PIN1: variants seen among roughly 807,000 people sequenced by gnomAD.
PIN1 encodes peptidylprolyl cis/trans isomerase, NIMA-interacting 1.
Under a neutral mutation model 19.9 loss-of-function variants are expected in PIN1, and 8 were observed. The ratio of observed to expected loss-of-function variants is 0.40; its 90% CI spans 0.24 to 0.72. The LOEUF is 0.72. Ranked by LOEUF, PIN1 falls within the 30% of genes least tolerant of loss-of-function variation. The pLI is 0.37. For missense variants in PIN1, 185 were observed against 226.5 expected, an observed-to-expected ratio of 0.82 and a Z score of 1.18; for synonymous variants, 86 against 90.8, an observed-to-expected ratio of 0.95 and a Z score of 0.30.
At chr19:9,848,434 A>G in intron 3 of PIN1, 1 of 423,022 alleles carries the variant, frequency 2.4e-6, no homozygotes, top group South Asian at 2.4e-5. Flanking sequence ...AGGTGGGTAC[A>G]TCCTGTCCTC....
intron 1 of PIN1, 77 bp downstream of exon 1, chr19:9,835,479 G>A (rs569962742): frequency 5.1e-4 from 531 of 1,044,430 alleles, no homozygotes; most frequent in Non-Finnish European, 6.6e-4. Flanking sequence ...CTTGGGCGCG[G>A]CGGCAGCGCT....
At chr19:9,836,573 G>A (rs1045386681) in intron 1 of PIN1, 3 of 307,396 alleles carry the variant, frequency 9.8e-6, no homozygotes, top group Non-Finnish European at 2.0e-5. Context: ...TTCCTTTATG[G>A]GTGACACTCC....
At position 9,835,607 on chromosome 19, in the gene PIN1, G is replaced by A. The variant is rs914776008; in HGVS notation, c.58+205G>A. ...CGCCGGGAAGCCTGAGGAAGCTGAG[G>A]CAGGGGGCTGGGCGGGTGAGGGTCC... is the stretch of plus-strand genomic sequence containing the variant. On this transcript the variant is annotated intron_variant, in intron 1 of 3. Coordinates refer to ENST00000247970, the MANE Select transcript of PIN1 (RefSeq NM_006221.4). The A allele has an allele frequency of 7.9e-6, 4 of 506,660 alleles. No individual in the cohort carries two copies. In the Admixed American group the frequency reaches 1.3e-4, roughly 17 times the overall value. 31.4% of individuals were successfully genotyped at this position (506,660 alleles called of 1,614,324 possible). A position where few individuals can be genotyped will look rare whatever the true frequency, so the allele number is the denominator to read the frequency against.
chr19:9,841,349 A>G (rs1195937093), intron 2 of PIN1, among the ~76,000 whole-genome samples: 2 of 152,164 alleles, frequency 1.3e-5, no homozygotes, highest in Non-Finnish European at 2.9e-5. Flanking sequence ...TGCCACACAA[A>G]GCCTGGCCCA....
intron 1 of PIN1, chr19:9,836,892 G>A (rs2046112447): frequency 7.9e-7 from 1 of 1,272,874 alleles, no homozygotes; most frequent in Admixed American, 2.3e-5. Context: ...TCTCCGTTTT[G>A]CCATCTATAC....
At position 9,849,181 on chromosome 19, in the gene PIN1, C is replaced by A. The variant is rs1162069476; in HGVS notation, c.474C>A (p.Ile158=). 3.1e-6 allele frequency: 5 copies of A among 1,611,428 alleles called. No individual in the cohort carries two copies. Among genetic ancestry groups the A allele is most frequent in the Non-Finnish European group, 4.2e-6 (5 of 1,178,462 alleles). The change falls in exon 4 of 4, where the codon ATC becomes ATA. Residue 158 remains isoleucine, a synonymous_variant. Coordinates refer to ENST00000247970, the MANE Select transcript of PIN1 (RefSeq NM_006221.4). ...TGTTCACGGATTCCGGCATCCACAT[C>A]ATCCTCCGCACTGAGTGAGGGTGGG... The part of the protein sequence containing the change: ...GPVFTDSGIH[I]ILRTE
Position 9,845,589 on chromosome 19 carries a change from A to C in PIN1, c.272-2441A>C, listed in dbSNP as rs115508242. 2.0e-3 allele frequency among the ~76,000 whole-genome samples: 302 copies of C among 152,296 alleles called. 2 individuals are homozygous for C. The highest frequency in any genetic ancestry group is 6.9e-3 in the African/African-American group (287 of 41,550). On this transcript the variant is annotated intron_variant, in intron 2 of 3. Transcript: ENST00000247970. ...CCAGGGGTTTGAGGCCAGCCTGAAC[A>C]ATAAAGTGCGACCCCATCTCTGCAA...
In PIN1 at chr19:9,848,158, C is replaced by T; in HGVS notation, c.382+18C>T. The T allele has an allele frequency of 6.8e-7, 1 of 1,477,730 alleles. No homozygotes were observed. Among genetic ancestry groups the T allele is most frequent in the Non-Finnish European group, 9.5e-7 (1 of 1,055,770 alleles). The allele number at this position is 1,477,730 out of a possible 1,614,324, so 91.5% of individuals were successfully genotyped here. On this transcript the variant is annotated intron_variant, in intron 3 of 3. Coordinates refer to ENST00000247970, the MANE Select transcript of PIN1 (RefSeq NM_006221.4). ...CAGCAGAGGTGCGCAAGGAATGGGC[C>T]TCACCAGGTTGGGGGACCCTTACCA...
chr19:9,841,376 C>T (rs35237210), intron 2 of PIN1, among the ~76,000 whole-genome samples: 1 of 152,146 alleles, frequency 6.6e-6, no homozygotes, highest in Non-Finnish European at 1.5e-5. Context: ...GCCCTCACAG[C>T]CTTGTTTCAT....
chr19:9,847,941 C>G (rs1048612149), intron 2 of PIN1, 89 bp from the exon 3 acceptor site: 12 of 820,998 alleles, frequency 1.5e-5, no homozygotes, highest in Non-Finnish European at 2.1e-5. Flanking sequence ...CTGCCTCCCC[C>G]GCTGGCCAGC....
intron 2 of PIN1, among the ~76,000 whole-genome samples, chr19:9,840,052 CT>C (rs1177867084): frequency 6.6e-6 from 1 of 152,140 alleles, no homozygotes; most frequent in African/African-American, 2.4e-5. Flanking sequence ...ACTGGTCATA[CT>C]TTAGCTGGTG....
intron 2 of PIN1, among the ~76,000 whole-genome samples, chr19:9,843,400 T>G (rs1027721580): frequency 6.6e-6 from 1 of 152,258 alleles, no homozygotes; most frequent in African/African-American, 2.4e-5. Flanking sequence ...GGGGGAAGTA[T>G]GCTGGAAGCA....
intron 2 of PIN1, among the ~76,000 whole-genome samples, chr19:9,843,369 C>T (rs2046187614): frequency 6.6e-6 from 1 of 152,280 alleles, no homozygotes; most frequent in Non-Finnish European, 1.5e-5. Flanking sequence ...GGCCCCTTCC[C>T]CTCTGGTGCC....
In PIN1 at chr19:9,848,085, G is replaced by C. The variant is rs757649316; in HGVS notation, c.327G>C (p.Gln109His). The change falls in exon 3 of 4, where the codon CAG becomes CAC. Residue 109 changes from glutamine (Q) to histidine (H), a missense_variant. By Grantham distance (24) the Gln-to-His change is conservative. Coordinates refer to ENST00000247970, the MANE Select transcript of PIN1 (RefSeq NM_006221.4). ...GEEDFESLAS[Q>H]FSDCSSAKAR... ...AGGACTTTGAGTCTCTGGCCTCACA[G>C]TTCAGCGACTGCAGCTCAGCCAAGG... 27 of 1,613,786 alleles carry C rather than the reference G, an allele frequency of 1.7e-5. No individual in the cohort carries two copies. Among genetic ancestry groups the C allele is most frequent in the Non-Finnish European group, 2.2e-5 (26 of 1,179,766 alleles).
In PIN1 at chr19:9,838,544, G is replaced by A. The variant is rs139228076; in HGVS notation, c.167G>A (p.Arg56His). 8.2e-6 allele frequency: 13 copies of A among 1,588,572 alleles called. No individual in the cohort carries two copies. The African/African-American group carries it at 1.1e-4, about 13-fold the overall frequency. Reference sequence around the variant, plus strand: ...GGGCAGGGGGAGCCTGCCAGGGTCCGCTGCTCGCACCTGCTGGTGAAGCAC... The same window carrying A: ...GGGCAGGGGGAGCCTGCCAGGGTCCACTGCTCGCACCTGCTGGTGAAGCAC... Reference protein sequence around the residue: ...KNGQGEPARVRCSHLLVKHSQ... With the variant: ...KNGQGEPARVHCSHLLVKHSQ... The change falls in exon 2 of 4, where the codon CGC becomes CAC. Residue 56 changes from arginine to histidine, a missense_variant. Arg to His is a conservative substitution (Grantham distance 29). Coordinates refer to ENST00000247970, the MANE Select transcript of PIN1 (RefSeq NM_006221.4). This position sits in a 1 kb window ranked among gnomAD's most constrained non-coding sequence, Gnocchi z 5.8.
Position 9,835,319 on chromosome 19 carries a change from G to A in PIN1, c.-26G>A, listed in dbSNP as rs1274150128. The A allele has an allele frequency of 6.6e-7, 1 of 1,522,888 alleles. No homozygotes were observed. Among genetic ancestry groups the A allele is most frequent in the Admixed American group, 2.0e-5 (1 of 50,350 alleles). The allele number at this position is 1,522,888 out of a possible 1,614,324, so 94.3% of individuals were successfully genotyped here. On this transcript the variant is annotated 5_prime_UTR_variant, in exon 1 of 4. Coordinates refer to ENST00000247970, the MANE Select transcript of PIN1 (RefSeq NM_006221.4). Reference sequence around the variant, plus strand: ...GGCGACAGGCGGCGCAGCTGAGGCGGAGCAGGCGCTGCGGCAGGAGGGAAG... The same window carrying A: ...GGCGACAGGCGGCGCAGCTGAGGCGAAGCAGGCGCTGCGGCAGGAGGGAAG...
intron 2 of PIN1, among the ~76,000 whole-genome samples, chr19:9,839,153 G>T (rs1313807314): frequency 6.6e-6 from 1 of 152,198 alleles, no homozygotes; most frequent in Non-Finnish European, 1.5e-5. Flanking sequence ...GTGAGTGCAT[G>T]CAGGGTGCGG....
chr19:9,837,114 C>A, intron 1 of PIN1: 1 of 279,408 alleles, frequency 3.6e-6, no homozygotes, highest in Non-Finnish European at 7.2e-6. Flanking sequence ...CAGGCGTGTA[C>A]CACCCACCCA....
At chr19:9,836,806 G>T in intron 1 of PIN1, 1 of 1,286,116 alleles carries the variant, frequency 7.8e-7, no homozygotes, top group Non-Finnish European at 1.0e-6. Context: ...GCCTTCCCCT[G>T]TGTGTGCCTG....
Sources: gnomAD v4.1 joint callset for allele counts (sites outside exome capture counted in the v4.1 genomes callset) on GRCh38, gnomAD v4.1.1 for gene constraint, Gnocchi (gnomAD v3.1) non-coding constraint, MANE v1.5 for transcripts, NCBI Gene and HGNC (gene_info 2026-07-23, HGNC 2026-07-21) for gene names.